The following PHACTR4 variants were observed in gnomAD, a reference collection of about 807,000 sequenced individuals.
The protein encoded by PHACTR4 is protein phosphatase 1, regulatory subunit 124.
PHACTR4 carries 51 observed loss-of-function variants against 72.7 expected under a neutral mutation model. The observed-to-expected ratio is 0.70, with a 90% confidence interval of 0.56 to 0.89. PHACTR4 has a LOEUF of 0.89. Among genes scored for constraint, PHACTR4 ranks in the 40% least tolerant of loss-of-function variants. PHACTR4 has a pLI of 0.00. For synonymous variants in PHACTR4, 255 were observed against 302.5 expected, an observed-to-expected ratio of 0.84 and a Z score of 1.63; for missense variants, 731 against 861.8, an observed-to-expected ratio of 0.85 and a Z score of 1.90.
rs202061695 is a variant in PHACTR4, at chr1:28,473,767, C to G, written c.1037C>G (p.Pro346Arg). ...PMISPRSPSPPLPTHIPPEPP... is the reference protein window; with the variant it reads ...PMISPRSPSPRLPTHIPPEPP... ...ATCTCACCTCGCTCTCCGTCCCCCC[C>G]ACTGCCTACTCATATACCTCCAGAG... Residue 346 changes from proline to arginine, a missense_variant, in exon 7 of 14, where the codon CCA (proline) becomes CGA (arginine). By Grantham distance (103) the Pro-to-Arg change is moderately radical. Coordinates refer to ENST00000373839, the MANE Select transcript of PHACTR4 (RefSeq NM_001048183.3). 30 of 1,613,998 alleles carry G rather than the reference C, an allele frequency of 1.9e-5. No individual in the cohort carries two copies. The highest frequency in any genetic ancestry group is 5.3e-5 in the African/African-American group (4 of 74,904).
chr1:28,395,685 G>A lies in PHACTR4; in HGVS notation c.-38-11725G>A, dbSNP rs1386273173. 1.2e-4 allele frequency among the ~76,000 whole-genome samples: 17 copies of A among 146,112 alleles called. 1 individual carries two copies. The highest frequency in any genetic ancestry group is 2.2e-4 in the South Asian group (1 of 4,606). ...GTCAGAGTCTCACTCTGTCGCCCAGGCTGGAGTGCAATGGCACCATCTTGG... is the reference window on the plus strand; with the variant it reads ...GTCAGAGTCTCACTCTGTCGCCCAGACTGGAGTGCAATGGCACCATCTTGG... On this transcript the variant is annotated intron_variant, in intron 1 of 13. Transcript: ENST00000373839.
chr1:28,412,377 A>G (rs1323905649), intron 2 of PHACTR4, among the ~76,000 whole-genome samples: 1 of 152,204 alleles, frequency 6.6e-6, no homozygotes, highest in Non-Finnish European at 1.5e-5. Context: ...TTTCCTGGAG[A>G]TAACCATCAT....
intron 4 of PHACTR4, among the ~76,000 whole-genome samples, chr1:28,461,017 T>C (rs1658766286): frequency 6.6e-6 from 1 of 152,232 alleles, no homozygotes; most frequent in African/African-American, 2.4e-5. Context: ...GTTTGTTTAA[T>C]AATGTCAAGA....
intron 4 of PHACTR4, among the ~76,000 whole-genome samples, chr1:28,460,837 T>G (rs1352164657): frequency 6.6e-6 from 1 of 151,862 alleles, no homozygotes; most frequent in East Asian, 1.9e-4. Flanking sequence ...AGAGATGAGG[T>G]TTCACCAAGT....
At chr1:28,454,270 C>CTTTTTTTTT (rs945039969) in intron 2 of PHACTR4, among the ~76,000 whole-genome samples, 13 of 95,086 alleles carry the variant, frequency 1.4e-4, no homozygotes, top group South Asian at 3.5e-4. Flanking sequence ...ATCACTTTGT[C>CTTTTTTTTT]TTTTTTTTTT....
At chr1:28,493,492 C>T (rs1257160477) in intron 13 of PHACTR4, among the ~76,000 whole-genome samples, 1 of 149,004 alleles carries the variant, frequency 6.7e-6, no homozygotes, top group African/African-American at 2.5e-5. Flanking sequence ...GAGCTGAGAT[C>T]ATGCCATTGC....
At chr1:28,488,224 G>A (rs924268014) in intron 9 of PHACTR4, among the ~76,000 whole-genome samples, 13 of 152,222 alleles carry the variant, frequency 8.5e-5, no homozygotes, top group African/African-American at 2.9e-4. Flanking sequence ...ATGGCCAGGC[G>A]TGGTGGCTCA....
rs929181793 is a variant in PHACTR4, at chr1:28,437,050, ACTGT to A, written c.17-22034_17-22031del. Among the ~76,000 whole-genome samples, 9 of 152,324 alleles carry A rather than the reference ACTGT, an allele frequency of 5.9e-5. No individual in the cohort carries two copies. The East Asian group carries it at 1.7e-3, about 29-fold the overall frequency. ...GAAAAGGTATATTCAATCCTAAAAT[ACTGT>A]TTCTAATGTTATTAATTCCCAGTAC... On this transcript the variant is annotated intron_variant, in intron 2 of 13. Coordinates refer to ENST00000373839, the MANE Select transcript of PHACTR4 (RefSeq NM_001048183.3).
chr1:28,493,275 C>T (rs558191155), intron 13 of PHACTR4, among the ~76,000 whole-genome samples, 184 bp downstream of exon 13: 32 of 152,252 alleles, frequency 2.1e-4, no homozygotes, highest in African/African-American at 5.5e-4. Flanking sequence ...CGGTGGCTCA[C>T]GCCTGTAATC....
chr1:28,465,960 C>CT, intron 5 of PHACTR4, 111 bp downstream of exon 5: 4 of 1,096,742 alleles, frequency 3.6e-6, no homozygotes, highest in Non-Finnish European at 5.1e-6. Context: ...ATTACATTCT[C>CT]CTTTAACAAT....
At chr1:28,466,310 A>G (rs1234050609) in intron 5 of PHACTR4, 72 bp from the exon 6 acceptor site, 2 of 1,485,202 alleles carry the variant, frequency 1.3e-6, no homozygotes, top group East Asian at 2.3e-5. Flanking sequence ...ACAAATTCAT[A>G]GATGTGTTAG....
chr1:28,466,251 A>G, intron 5 of PHACTR4, 131 bp from the exon 6 acceptor site: 2 of 1,050,356 alleles, frequency 1.9e-6, no homozygotes, highest in Admixed American at 2.4e-5. Context: ...GGAGGCATTG[A>G]GAATGGTAAC....
chr1:28,449,347 A>G (rs1348810857), intron 2 of PHACTR4, among the ~76,000 whole-genome samples: 2 of 152,106 alleles, frequency 1.3e-5, no homozygotes, highest in African/African-American at 4.8e-5. Flanking sequence ...AAAAATATAT[A>G]TGTATAATAA....
intron 1 of PHACTR4, among the ~76,000 whole-genome samples, chr1:28,402,477 C>T (rs1654013443): frequency 6.6e-6 from 1 of 152,108 alleles, no homozygotes; most frequent in Non-Finnish European, 1.5e-5. Context: ...CTAGGCTAGG[C>T]ATGTTGGCCT....
intron 2 of PHACTR4, among the ~76,000 whole-genome samples, chr1:28,432,274 T>G (rs1018636666): frequency 2.6e-5 from 4 of 151,424 alleles, no homozygotes; most frequent in Non-Finnish European, 5.9e-5. Flanking sequence ...TTAGAAACAG[T>G]TCTTTAATAA....
chr1:28,378,597 C>T (rs1651897190), intron 1 of PHACTR4, among the ~76,000 whole-genome samples: 1 of 119,008 alleles, frequency 8.4e-6, no homozygotes, highest in Admixed American at 1.0e-4. Flanking sequence ...TTTAACAACC[C>T]AAGGGCACAA....
At chr1:28,446,059 G>A (rs1657446717) in intron 2 of PHACTR4, among the ~76,000 whole-genome samples, 1 of 152,098 alleles carries the variant, frequency 6.6e-6, no homozygotes, top group Admixed American at 6.6e-5. Context: ...GGAGAAAAAG[G>A]CTTAGTAGTA....
intron 2 of PHACTR4, chr1:28,457,433 A>G: frequency 3.0e-6 from 1 of 330,020 alleles, no homozygotes; most frequent in Non-Finnish European, 6.2e-6. Context: ...CTATCTCTAC[A>G]AAACAAAATT....
chr1:28,387,823 G>A (rs189611722), intron 1 of PHACTR4, among the ~76,000 whole-genome samples: 237 of 152,162 alleles, frequency 1.6e-3, no homozygotes, highest in African/African-American at 5.3e-3. Context: ...TGCCTCCCAG[G>A]TTCCAGCGAT....
Sources: gnomAD v4.1 joint callset for allele counts (sites outside exome capture counted in the v4.1 genomes callset) on GRCh38, gnomAD v4.1.1 for gene constraint, MANE v1.5 for transcripts, NCBI Gene and HGNC (gene_info 2026-07-23, HGNC 2026-07-21) for gene names.